The following LMTK2 variants were observed in gnomAD, a reference collection of about 807,000 sequenced individuals.
The protein encoded by LMTK2 is lemur tail kinase 2, also known as serine/threonine-protein kinase LMTK2.
In LMTK2, 37 loss-of-function variants were observed where a neutral mutation model predicts 127.5. That is an observed-to-expected ratio of 0.29 (90% CI 0.22 to 0.38). The LOEUF is 0.38. Among genes scored for constraint, LMTK2 ranks in the 10% least tolerant of loss-of-function variants. The probability of loss-of-function intolerance (pLI) is 1.00; values close to 1 mark genes in which losing one functional copy is unlikely to be tolerated. For synonymous variants in LMTK2, 819 were observed against 810.1 expected (o/e 1.01, Z -0.19); for missense variants, 1,694 against 1,920.3 (o/e 0.88, Z 2.20).
chr7:98,121,106 G>A (rs1047859548), intron 1 of LMTK2, among the ~76,000 whole-genome samples: 2 of 152,134 alleles, frequency 1.3e-5, no homozygotes, highest in African/African-American at 2.4e-5. Flanking sequence ...GGGCAGGTCC[G>A]ATTCAAGAGT....
intron 7 of LMTK2, among the ~76,000 whole-genome samples, chr7:98,181,317 A>C (rs1367461414): frequency 6.6e-6 from 1 of 152,212 alleles, no homozygotes; most frequent in Non-Finnish European, 1.5e-5. Context: ...TCACCCTGCC[A>C]TCCAGGCTGG....
chr7:98,147,244 A>G (rs77873042), intron 3 of LMTK2, among the ~76,000 whole-genome samples: 1 of 150,060 alleles, frequency 6.7e-6, no homozygotes, highest in Non-Finnish European at 1.5e-5. Flanking sequence ...TTTTTTTTTA[A>G]GTCTCACTTT....
rs552603752 is a variant in LMTK2 at position 98,135,076 on chromosome 7, T to A, written c.104-2239T>A. 3.3e-5 allele frequency among the ~76,000 whole-genome samples: 5 copies of A among 152,320 alleles called. No individual in the cohort carries two copies. In the East Asian group the frequency reaches 9.6e-4, roughly 29 times the overall value. Reference sequence around the variant, plus strand: ...ATTGCTTTCACAAAGGGACCTTTTGTTATTGAAAAAGAACTTAGTTCTGTT... The same window carrying A: ...ATTGCTTTCACAAAGGGACCTTTTGATATTGAAAAAGAACTTAGTTCTGTT... On this transcript the variant is annotated intron_variant, in intron 1 of 13. Transcript: ENST00000297293.
At chr7:98,113,158 T>C (rs1010392454) in intron 1 of LMTK2, among the ~76,000 whole-genome samples, 3 of 152,176 alleles carry the variant, frequency 2.0e-5, no homozygotes, top group African/African-American at 7.2e-5. Context: ...AGGAACCCCA[T>C]GGGAGATAGT....
intron 1 of LMTK2, among the ~76,000 whole-genome samples, chr7:98,120,445 A>G (rs1226870995): frequency 6.6e-6 from 1 of 152,248 alleles, no homozygotes; most frequent in East Asian, 1.9e-4. Context: ...GAAGTTTGCA[A>G]TCATTTTGCA....
At chr7:98,172,603 G>A (rs570960483) in intron 7 of LMTK2, among the ~76,000 whole-genome samples, 4 of 152,200 alleles carry the variant, frequency 2.6e-5, no homozygotes, top group African/African-American at 7.2e-5. Context: ...AACACAATAC[G>A]TTTAAAATTA....
chr7:98,160,034 A>T (rs760984707), intron 6 of LMTK2, among the ~76,000 whole-genome samples: 1 of 152,194 alleles, frequency 6.6e-6, no homozygotes, highest in Non-Finnish European at 1.5e-5. Context: ...AGTAATTTCT[A>T]TGTGAAATTT....
chr7:98,193,098 G>A lies in LMTK2; in HGVS notation c.2633G>A (p.Ser878Asn), dbSNP rs768191274. ...CTCTCAACTGATGCCAGAACCCACA[G>A]CCTGGATAACAGGTCCCAGGACTCT... The part of the protein sequence containing the change: ...EILSTDARTH[S>N]LDNRSQDSPG... Residue 878 changes from serine (S) to asparagine (N), a missense_variant, in exon 11 of 14, where the codon AGC becomes AAC. Physicochemically the swap from Ser to Asn is conservative, Grantham distance 46 (BLOSUM62 1). Coordinates refer to ENST00000297293, the MANE Select transcript of LMTK2 (RefSeq NM_014916.4). The surrounding 1 kb of genome is among the most constrained non-coding windows in gnomAD (Gnocchi z 4.1). 6.2e-7 allele frequency: 1 copy of A among 1,613,760 alleles called. No individual in the cohort carries two copies. Among genetic ancestry groups the A allele is most frequent in the Non-Finnish European group, 8.5e-7 (1 of 1,180,020 alleles).
chr7:98,205,256 G>A (rs574471200), intron 13 of LMTK2, among the ~76,000 whole-genome samples: 3 of 152,330 alleles, frequency 2.0e-5, no homozygotes, highest in South Asian at 2.1e-4. Flanking sequence ...GACCCTTAGC[G>A]CCCAGCGGGC....
chr7:98,140,449 C>T (rs1436246299), intron 2 of LMTK2, among the ~76,000 whole-genome samples: 1 of 152,074 alleles, frequency 6.6e-6, no homozygotes, highest in African/African-American at 2.4e-5. Context: ...ACTTTGCCTG[C>T]CTGCATCCTC....
rs139891758 is a variant in LMTK2 at position 98,203,409 on chromosome 7, CAG to C, written c.4108-164_4108-163del. On this transcript the variant is annotated intron_variant, in intron 11 of 13. Transcript: ENST00000297293. Reference sequence around the variant, plus strand: ...TCAGAGCTGCAGGCAGAGGGAGAGACAGGGCCTAGTGTCTGTCCGTCCTCCCA... The same window carrying C: ...TCAGAGCTGCAGGCAGAGGGAGAGACGGCCTAGTGTCTGTCCGTCCTCCCA... 4.5e-3 allele frequency among the ~76,000 whole-genome samples: 679 copies of C among 152,380 alleles called. 7 individuals carry two copies. The highest frequency in any genetic ancestry group is 0.016 in the African/African-American group (650 of 41,602).
chr7:98,139,404 C>T (rs780843164), intron 2 of LMTK2, among the ~76,000 whole-genome samples: 2 of 152,118 alleles, frequency 1.3e-5, no homozygotes, highest in Non-Finnish European at 2.9e-5. Context: ...CGTGAGCCAC[C>T]GGGCCTGGCC....
intron 10 of LMTK2, 122 bp downstream of exon 10, chr7:98,190,999 C>T: frequency 1.0e-6 from 1 of 959,014 alleles, no homozygotes; most frequent in Non-Finnish European, 1.6e-6. Flanking sequence ...ATGATGTCAC[C>T]ATGAGCTGAA....
intron 6 of LMTK2, among the ~76,000 whole-genome samples, chr7:98,168,234 T>C (rs1391705870): frequency 2.0e-5 from 3 of 152,090 alleles, no homozygotes; most frequent in African/African-American, 7.2e-5. Context: ...AGAGATGGAC[T>C]CTCGAGAGGA....
intron 7 of LMTK2, among the ~76,000 whole-genome samples, chr7:98,175,007 C>T (rs1013827281): frequency 6.6e-6 from 1 of 152,154 alleles, no homozygotes; most frequent in African/African-American, 2.4e-5. Flanking sequence ...ATCGTCAGGG[C>T]CACCCCACGT....
intron 1 of LMTK2, among the ~76,000 whole-genome samples, chr7:98,110,137 T>C (rs1401508040): frequency 6.6e-6 from 1 of 152,184 alleles, no homozygotes; most frequent in Non-Finnish European, 1.5e-5. Context: ...TCCAGTTTAA[T>C]GGTGCCTTAG....
chr7:98,195,186 A>G (rs905909797), intron 11 of LMTK2, among the ~76,000 whole-genome samples: 2 of 152,152 alleles, frequency 1.3e-5, no homozygotes, highest in Non-Finnish European at 2.9e-5. Context: ...CTTGGCCTCC[A>G]ATTTTTAGAG....
intron 9 of LMTK2, among the ~76,000 whole-genome samples, chr7:98,188,658 A>C (rs1797475772): frequency 6.6e-6 from 1 of 152,176 alleles, no homozygotes; most frequent in Non-Finnish European, 1.5e-5. Flanking sequence ...CAATTTCAGT[A>C]CTTTGAGTAT....
intron 2 of LMTK2, among the ~76,000 whole-genome samples, chr7:98,138,005 C>G (rs1252181821): frequency 6.6e-6 from 1 of 152,142 alleles, no homozygotes; most frequent in Non-Finnish European, 1.5e-5. Context: ...GAGGAGGAGG[C>G]TGCAGATTGT....
Sources: gnomAD v4.1 joint callset for allele counts (sites outside exome capture counted in the v4.1 genomes callset) on GRCh38, gnomAD v4.1.1 for gene constraint, Gnocchi (gnomAD v3.1) non-coding constraint, MANE v1.5 for transcripts, NCBI Gene and HGNC (gene_info 2026-07-23, HGNC 2026-07-21) for gene names.